Variants in MICAL2 observed in about 807,000 individuals in gnomAD.
MICAL2 encodes the protein microtubule associated monooxygenase, calponin and LIM domain containing 2, also known as [F-actin]-monooxygenase MICAL2.
In MICAL2, 77 loss-of-function variants were observed where a neutral mutation model predicts 127.3. That is an observed-to-expected ratio of 0.60 (90% CI 0.50 to 0.73). The LOEUF is 0.73. Among genes scored for constraint, MICAL2 ranks in the 30% least tolerant of loss-of-function variants. MICAL2 has a pLI of 0.00. For synonymous variants in MICAL2, 570 were observed against 551.1 expected (o/e 1.03, Z -0.48); for missense variants, 1,351 against 1,434.4 (o/e 0.94, Z 0.94).
chr11:12,327,764 T>A (rs957701345), intron 32 of MICAL2, among the ~76,000 whole-genome samples: 7 of 150,660 alleles, frequency 4.6e-5, no homozygotes, highest in African/African-American at 1.7e-4. Flanking sequence ...AATGTGGTTT[T>A]CTCCTTTATA....
intron 32 of MICAL2, among the ~76,000 whole-genome samples, chr11:12,339,084 A>C (rs1292108260): frequency 2.6e-5 from 4 of 152,314 alleles, no homozygotes; most frequent in African/African-American, 9.6e-5. Flanking sequence ...CATCACTTTC[A>C]GGTACACCAG....
chr11:12,162,092 C>T lies in MICAL2; in HGVS notation c.-64C>T, dbSNP rs758973200. 16 of 1,601,730 alleles carry T rather than the reference C, an allele frequency of 1.0e-5. 1 individual carries two copies. The South Asian group carries it at 1.7e-4, about 17-fold the overall frequency. The stretch of plus-strand genomic sequence containing the variant: ...CTACTTTCACAGGTGTGACGTTTCT[C>T]CAGATACTTCATGCTGTTCACCTGT... On this transcript the variant is annotated 5_prime_UTR_variant, in exon 3 of 28. Coordinates refer to ENST00000683283, the MANE Select transcript of MICAL2 (RefSeq NM_001282663.2).
intron 32 of MICAL2, among the ~76,000 whole-genome samples, chr11:12,328,404 A>G (rs1864378306): frequency 6.6e-6 from 1 of 152,182 alleles, no homozygotes; most frequent in South Asian, 2.1e-4. Flanking sequence ...GGAAGGGGTG[A>G]TCTATAAGAT....
At chr11:12,305,646 T>A (rs1864100959) in intron 29 of MICAL2, among the ~76,000 whole-genome samples, 1 of 152,234 alleles carries the variant, frequency 6.6e-6, no homozygotes, top group Admixed American at 6.5e-5. Context: ...CAAAATATCT[T>A]ACTGTAGTGT....
intron 2 of MICAL2, 115 bp from the exon 3 acceptor site, chr11:12,161,964 T>C (rs1467644521): frequency 9.1e-6 from 6 of 657,622 alleles, no homozygotes; most frequent in East Asian, 2.7e-5. Flanking sequence ...GAACACTAAA[T>C]AGTGTGGTTA....
chr11:12,273,584 A>G (rs539164697), upstream of MICAL2, among the ~76,000 whole-genome samples: 18 of 150,278 alleles, frequency 1.2e-4, no homozygotes, highest in Middle Eastern at 3.5e-3. Context: ...TTTTAAGATG[A>G]GGTATTTCAC....
upstream of MICAL2, among the ~76,000 whole-genome samples, chr11:12,271,838 A>T (rs994225415): frequency 6.6e-6 from 1 of 152,184 alleles, no homozygotes; most frequent in Non-Finnish European, 1.5e-5. Context: ...GTTAGACTGC[A>T]GAAGTCGGGG....
intron 2 of MICAL2, among the ~76,000 whole-genome samples, chr11:12,150,363 G>T (rs1401798837): frequency 1.3e-5 from 2 of 152,064 alleles, no homozygotes; most frequent in Admixed American, 6.6e-5. Context: ...GGAGGTCAAG[G>T]CTGCAGTGAG....
chr11:12,262,614 A>C, intron 27 of MICAL2, 77 bp downstream of exon 27: 2 of 1,227,022 alleles, frequency 1.6e-6, no homozygotes, highest in Non-Finnish European at 2.4e-6. Flanking sequence ...CCTCTCCGCC[A>C]GCAGTACTGG....
rs972614729 is a variant in MICAL2, at chr11:12,346,130, C to T, written c.5516-3708C>T. Among the ~76,000 whole-genome samples the T allele has an allele frequency of 5.9e-5, 9 of 152,194 alleles. 1 individual carries two copies. The South Asian group carries it at 1.9e-3, about 32-fold the overall frequency. The stretch of plus-strand genomic sequence containing the variant: ...AAGTACACAGCCCTGCAGTGGGCTT[C>T]CTGGACAGGAGAGAGCTCCTTCGTC... On this transcript the variant is annotated intron_variant, in intron 32 of 34. Transcript: ENST00000646065.
chr11:12,244,195 C>G (rs1211982937), intron 21 of MICAL2, 83 bp downstream of exon 21: 1 of 1,545,718 alleles, frequency 6.5e-7, no homozygotes, highest in South Asian at 1.1e-5. Flanking sequence ...GCACAAACAT[C>G]TTGAGCCTGG....
intron 3 of MICAL2, among the ~76,000 whole-genome samples, chr11:12,173,647 AT>A (rs1468342807): frequency 6.6e-6 from 1 of 152,142 alleles, no homozygotes; most frequent in East Asian, 1.9e-4. Context: ...TGTTTCCAAG[AT>A]TTTTCCTCAC....
chr11:12,126,786 C>A (rs1420385952), intron 1 of MICAL2, among the ~76,000 whole-genome samples: 1 of 151,694 alleles, frequency 6.6e-6, no homozygotes, highest in Non-Finnish European at 1.5e-5. Flanking sequence ...CAAGGTAGTT[C>A]ATGACTAATG....
At chr11:12,193,183 C>A (rs943830491) in intron 3 of MICAL2, among the ~76,000 whole-genome samples, 3 of 152,120 alleles carry the variant, frequency 2.0e-5, no homozygotes, top group African/African-American at 4.8e-5. Flanking sequence ...GTCTATAGGG[C>A]GAGAGACTTC....
At chr11:12,330,246 G>A (rs976148290) in intron 32 of MICAL2, among the ~76,000 whole-genome samples, 1 of 152,140 alleles carries the variant, frequency 6.6e-6, no homozygotes, top group African/African-American at 2.4e-5. Flanking sequence ...TTAAGAGATT[G>A]CCCTGTTGCT....
chr11:12,139,736 A>C (rs940667329), intron 2 of MICAL2, among the ~76,000 whole-genome samples: 14 of 152,236 alleles, frequency 9.2e-5, no homozygotes, highest in Admixed American at 7.2e-4. Flanking sequence ...CTCTGGAGAA[A>C]CAGAATACAG....
At chr11:12,231,220 C>T (rs576879096) in intron 15 of MICAL2, among the ~76,000 whole-genome samples, 4 of 152,332 alleles carry the variant, frequency 2.6e-5, no homozygotes, top group African/African-American at 7.2e-5. Context: ...ATATGCAGAA[C>T]ACCAATTTTT....
intron 1 of MICAL2, among the ~76,000 whole-genome samples, chr11:12,111,145 C>A (rs1346390705): frequency 6.6e-6 from 1 of 152,220 alleles, no homozygotes; most frequent in Non-Finnish European, 1.5e-5. Flanking sequence ...TTGCACGCCC[C>A]GTTCCAGCTC....
At chr11:12,357,117 G>A (rs555444098) in intron 34 of MICAL2, among the ~76,000 whole-genome samples, 1 of 152,140 alleles carries the variant, frequency 6.6e-6, no homozygotes, top group Non-Finnish European at 1.5e-5. Flanking sequence ...CCTTTCATCA[G>A]ACCTACCTGC....
Sources: allele counts gnomAD v4.1 joint callset (sites outside exome capture counted in the v4.1 genomes callset), GRCh38; gene constraint gnomAD v4.1.1; transcripts MANE v1.5; gene names NCBI Gene and HGNC (gene_info 2026-07-23, HGNC 2026-07-21).